SYCP3: variants seen among roughly 807,000 people sequenced by gnomAD.
The protein encoded by SYCP3 is synaptonemal complex protein 3.
Under a neutral mutation model 38.5 loss-of-function variants are expected in SYCP3, and 29 were observed. That is an observed-to-expected ratio of 0.75 (90% CI 0.56 to 1.03). The LOEUF is 1.03. SYCP3 is among the 50% of genes least tolerant of loss of function. SYCP3 has a pLI of 0.00. For missense variants in SYCP3, 242 were observed against 270.7 expected (o/e 0.89, Z 0.74); for synonymous variants, 79 against 80.3 (o/e 0.98, Z 0.08).
At position 101,729,107 on chromosome 12, in the gene SYCP3, ACAGTTT is replaced by A; in HGVS notation, c.653_657+1del. On this transcript the variant is annotated splice_donor_variant and coding_sequence_variant, in exon 8 of 9. Coordinates refer to ENST00000392924, the MANE Select transcript of SYCP3 (RefSeq NM_001177949.2). LOFTEE classifies it high-confidence loss of function. ...TTTTTCAATTTCAATATGATCACTT[ACAGTTT>A]CCATCATAATTTTTTTTTGCAACAT... The A allele has an allele frequency of 6.2e-7, 1 of 1,609,136 alleles. No homozygotes were observed. Among genetic ancestry groups the A allele is most frequent in the South Asian group, 1.1e-5 (1 of 90,738 alleles).
chr12:101,731,393 T>C (rs978587454), intron 7 of SYCP3, among the ~76,000 whole-genome samples, 175 bp downstream of exon 7: 1 of 152,080 alleles, frequency 6.6e-6, no homozygotes, highest in Non-Finnish European at 1.5e-5. Flanking sequence ...ACAAAACCAT[T>C]TGAATCCTCA....
In SYCP3 at chr12:101,731,956, C is replaced by G. The variant is rs1346613638; in HGVS notation, c.454-290G>C. ...TGATCCTTCCAATAATAATGGTTTT[C>G]CGTTTCGTGACCTGTTTCTCAATGA... is the stretch of plus-strand genomic sequence containing the variant. On this transcript the variant is annotated intron_variant, in intron 6 of 8. Transcript: ENST00000392924. 1.3e-4 allele frequency: 35 copies of G among 263,314 alleles called. No individual in the cohort carries two copies. In the Admixed American group the frequency reaches 1.8e-3, roughly 13 times the overall value. The allele number at this position is 263,314 out of a possible 1,614,324, so 16.3% of individuals were successfully genotyped here.
At position 101,737,217 on chromosome 12, in the gene SYCP3, T is replaced by C; in HGVS notation, c.200+15A>G. ...TGCTTTATCTAAGAAACAAAAATTA[T>C]TTTGAACACGTTACCCCATATCTTC... On this transcript the variant is annotated intron_variant, in intron 3 of 8. Transcript: ENST00000392924. The C allele has an allele frequency of 6.2e-7, 1 of 1,613,242 alleles. No individual in the cohort carries two copies. Among genetic ancestry groups the C allele is most frequent in the Middle Eastern group, 1.7e-4 (1 of 6,058 alleles).
rs1348933662 is a variant in SYCP3, at chr12:101,728,833, A to C, written c.*94T>G. 2.6e-6 allele frequency: 4 copies of C among 1,566,478 alleles called. No individual in the cohort carries two copies. The African/African-American group carries it at 5.4e-5, about 21-fold the overall frequency. The stretch of plus-strand genomic sequence containing the variant: ...ACAGGTTTATGATTAAAGATGTTAC[A>C]ATTAAACTATTCTAAAGACTTACAA... On this transcript the variant is annotated 3_prime_UTR_variant, in exon 9 of 9. Coordinates refer to ENST00000392924, the MANE Select transcript of SYCP3 (RefSeq NM_001177949.2).
At chr12:101,735,859 A>ATTTT (rs1952397285) in intron 4 of SYCP3, among the ~76,000 whole-genome samples, 1 of 76,274 alleles carries the variant, frequency 1.3e-5, no homozygotes, top group Admixed American at 1.3e-4. Flanking sequence ...TTTTATATAT[A>ATTTT]TATATATATA....
Position 101,731,690 on chromosome 12 carries a change from CTG to C in SYCP3, c.454-26_454-25del, listed in dbSNP as rs765991026. On this transcript the variant is annotated intron_variant, in intron 6 of 8. Transcript: ENST00000392924. Reference sequence around the variant, plus strand: ...TTCTACAAATATAAAAGAAAAAAAACTGTGTAATAACAATTTGGGTAAAATTT... The same window carrying C: ...TTCTACAAATATAAAAGAAAAAAAACTGTAATAACAATTTGGGTAAAATTT... 84 of 1,510,182 alleles carry C rather than the reference CTG, an allele frequency of 5.6e-5. No homozygotes were observed. The South Asian group carries it at 7.4e-4, about 13-fold the overall frequency. The allele number at this position is 1,510,182 out of a possible 1,614,324, so 93.5% of individuals were successfully genotyped here. A position where few individuals can be genotyped will look rare whatever the true frequency, so the allele number is the denominator to read the frequency against.
chr12:101,732,444 G>A (rs1172148980), intron 6 of SYCP3: 1 of 152,050 alleles, frequency 6.6e-6, no homozygotes, highest in Non-Finnish European at 1.5e-5. Flanking sequence ...ACATCCTTAG[G>A]TATCCTGGGG....
chr12:101,733,636 G>A lies in SYCP3; in HGVS notation c.392C>T (p.Thr131Ile), dbSNP rs377110039. The A allele has an allele frequency of 2.5e-6, 4 of 1,611,898 alleles. No homozygotes were observed. The highest frequency in any genetic ancestry group is 3.4e-6 in the Non-Finnish European group (4 of 1,179,960). ...LNQEYSQQFLTLFQQWDLDMQ... is the reference protein window; with the variant it reads ...LNQEYSQQFLILFQQWDLDMQ... ...ATCTAAATCCCACTGCTGAAACAAA[G>A]TCAGAAACTGCTGAGAATATTCTTG... The change falls in exon 6 of 9, where the codon ACT becomes ATT. Residue 131 changes from threonine (T) to isoleucine (I), a missense_variant. By Grantham distance (89) the Thr-to-Ile change is moderately conservative. Coordinates refer to ENST00000392924, the MANE Select transcript of SYCP3 (RefSeq NM_001177949.2).
chr12:101,737,369 G>A (rs1952495061), intron 2 of SYCP3, 71 bp from the exon 3 acceptor site: 2 of 1,356,596 alleles, frequency 1.5e-6, no homozygotes, highest in Non-Finnish European at 1.0e-6. Context: ...AAATTTTAAT[G>A]AAACATCTTC....
chr12:101,735,560 C>G (rs12831675), intron 4 of SYCP3, among the ~76,000 whole-genome samples: 1 of 151,916 alleles, frequency 6.6e-6, no homozygotes, highest in Admixed American at 6.6e-5. Flanking sequence ...ACTTGGCAGA[C>G]TGAGGCAGGA....
intron 4 of SYCP3, among the ~76,000 whole-genome samples, chr12:101,736,457 T>G (rs1952449053): frequency 6.6e-6 from 1 of 152,176 alleles, no homozygotes; most frequent in African/African-American, 2.4e-5. Flanking sequence ...TTAAGATAAC[T>G]AATCTCTAAC....
chr12:101,734,924 T>TA lies in SYCP3; in HGVS notation c.353+2dup. On this transcript the variant is annotated splice_region_variant and intron_variant, in intron 5 of 8. Coordinates refer to ENST00000392924, the MANE Select transcript of SYCP3 (RefSeq NM_001177949.2). ...GGCTCTAAAAAAAAAGCAACCACCT[T>TA]ACCTTTGATCTTGTTGTGTTTTCCA... 2 of 1,596,030 alleles carry TA rather than the reference T, an allele frequency of 1.3e-6. No homozygotes were observed. Among genetic ancestry groups the TA allele is most frequent in the Non-Finnish European group, 1.7e-6 (2 of 1,163,652 alleles).
chr12:101,735,756 C>T (rs116391610), intron 4 of SYCP3, among the ~76,000 whole-genome samples: 7,409 of 149,448 alleles, frequency 0.05, 446 homozygotes, highest in African/African-American at 0.14. Flanking sequence ...ATTGTTAGAA[C>T]TCATTATAGA....
intron 4 of SYCP3, among the ~76,000 whole-genome samples, chr12:101,736,398 G>T (rs10778146): frequency 0.52 from 78,350 of 151,814 alleles, 21,676 homozygotes; most frequent in East Asian, 0.72. Flanking sequence ...TCAAAAAAGA[G>T]TTGACTGTAT....
chr12:101,734,975 G>A lies in SYCP3; in HGVS notation c.305C>T (p.Thr102Ile). 2 of 1,613,672 alleles carry A rather than the reference G, an allele frequency of 1.2e-6. No homozygotes were observed. Among genetic ancestry groups the A allele is most frequent in the Non-Finnish European group, 1.7e-6 (2 of 1,179,756 alleles). The change falls in exon 5 of 9, where the codon ACT becomes ATT. Residue 102 changes from threonine to isoleucine, a missense_variant. Thr to Ile is a moderately conservative substitution (Grantham distance 89). Coordinates refer to ENST00000392924, the MANE Select transcript of SYCP3 (RefSeq NM_001177949.2). ...AACATGTTCAATTTTCTGGTTACTA[G>A]TTTTGAGAGAAGCCTTGGTATACAT... ...LEMYTKASLK[T>I]SNQKIEHVWK... is the part of the protein sequence containing the mutation.
chr12:101,735,034 G>A lies in SYCP3; in HGVS notation c.246C>T (p.Asn82=). The part of the protein sequence containing the change: ...NMLEGVGVDI[N]KALLAKRKRL... Reference sequence around the variant, plus strand: ...TCTTTCTCTTGGCAAGAAGAGCCTTGTTAATGTCAACTAGATTGAAAATAA... The same window carrying A: ...TCTTTCTCTTGGCAAGAAGAGCCTTATTAATGTCAACTAGATTGAAAATAA... Residue 82 remains asparagine, a synonymous_variant, in exon 5 of 9, where the codon AAC becomes AAT. Transcript: ENST00000392924. The A allele has an allele frequency of 6.3e-7, 1 of 1,599,302 alleles. No homozygotes were observed. Among genetic ancestry groups the A allele is most frequent in the South Asian group, 1.1e-5 (1 of 90,624 alleles).
At chr12:101,733,123 C>G (rs1315757969) in intron 6 of SYCP3, 1 of 161,430 alleles carries the variant, frequency 6.2e-6, no homozygotes, top group African/African-American at 2.4e-5. Context: ...TTTGCCAGAG[C>G]TATTGAGAAA....
chr12:101,739,321 G>A, intron 1 of SYCP3, 30 bp downstream of exon 1: 4 of 1,002,738 alleles, frequency 4.0e-6, no homozygotes, highest in Non-Finnish European at 4.8e-6. Context: ...CTGGACACCT[G>A]CGATAGACAG....
At position 101,729,219 on chromosome 12, in the gene SYCP3, A is replaced by T. The variant is rs1489911823; in HGVS notation, c.553-6T>A. On this transcript the variant is annotated splice_region_variant and splice_polypyrimidine_tract_variant and intron_variant, in intron 7 of 8. Transcript: ENST00000392924. ...TTCTCCAACTCTTCCATACTCTAAA[A>T]ACACAAAAGACAAGTTAAGTTACAA... 5 of 1,612,460 alleles carry T rather than the reference A, an allele frequency of 3.1e-6. No homozygotes were observed. The South Asian group carries it at 5.5e-5, about 18-fold the overall frequency.
Sources: gnomAD v4.1 joint callset for allele counts (sites outside exome capture counted in the v4.1 genomes callset) on GRCh38, gnomAD v4.1.1 for gene constraint, MANE v1.5 for transcripts, NCBI Gene and HGNC (gene_info 2026-07-23, HGNC 2026-07-21) for gene names.